Variants in VPS13C observed in about 807,000 individuals in gnomAD.
VPS13C encodes the protein vacuolar protein sorting 13 homolog C.
Under a neutral mutation model 456.8 loss-of-function variants are expected in VPS13C, and 358 were observed. The ratio of observed to expected loss-of-function variants is 0.78; its 90% CI spans 0.72 to 0.86. The LOEUF (loss-of-function observed/expected upper bound fraction) is 0.86, where lower values mean the gene tolerates loss of function less well. VPS13C is among the 40% of genes least tolerant of loss of function. The pLI is 0.00. For missense variants in VPS13C, 4,818 were observed against 4,385.4 expected (o/e 1.10, Z -2.79); for synonymous variants, 1,578 against 1,486.7 (o/e 1.06, Z -1.41).
At chr15:61,856,531 T>TAA in intron 82 of VPS13C, 122 bp from the exon 83 acceptor site, 62 of 908,904 alleles carry the variant, frequency 6.8e-5, no homozygotes, top group East Asian at 2.0e-4. Flanking sequence ...AAACTGGCAC[T>TAA]AAAAAAAAAA....
At chr15:61,911,691 TATAGTA>T in intron 63 of VPS13C, 143 bp downstream of exon 63, 2 of 811,376 alleles carry the variant, frequency 2.5e-6, no homozygotes, top group Non-Finnish European at 3.5e-6. Flanking sequence ...TTTTTAAAAA[TATAGTA>T]AGAGAAAAAT....
rs1352577987 is a variant in VPS13C, at chr15:61,858,371, T to A, written c.10953-1962A>T. Among the ~76,000 whole-genome samples the A allele has an allele frequency of 6.6e-6, 1 of 151,780 alleles. No homozygotes were observed. Among genetic ancestry groups the A allele is most frequent in the Non-Finnish European group, 1.5e-5 (1 of 67,988 alleles). On this transcript the variant is annotated intron_variant, in intron 82 of 84. Transcript: ENST00000644861. This position sits in a 1 kb window ranked among gnomAD's most constrained non-coding sequence, Gnocchi z 4.4. ...CTATCTATCTATCTATCTGTCTATCTATCTCCCTCCCTCCCTATCATGTAT... is the reference window on the plus strand; with the variant it reads ...CTATCTATCTATCTATCTGTCTATCAATCTCCCTCCCTCCCTATCATGTAT...
At chr15:62,009,089 T>C (rs1007977973) in intron 13 of VPS13C, among the ~76,000 whole-genome samples, 1 of 152,182 alleles carries the variant, frequency 6.6e-6, no homozygotes, top group Non-Finnish European at 1.5e-5. Flanking sequence ...TAAATGAACA[T>C]CTTAGAAACA....
At chr15:62,027,591 T>C (rs2047679526) in intron 6 of VPS13C, among the ~76,000 whole-genome samples, 1 of 152,126 alleles carries the variant, frequency 6.6e-6, no homozygotes, top group East Asian at 1.9e-4. Flanking sequence ...TGATGCTTAT[T>C]GTTTACAAAT....
intron 37 of VPS13C, among the ~76,000 whole-genome samples, chr15:61,957,585 G>A (rs1316935083): frequency 6.6e-6 from 1 of 152,068 alleles, no homozygotes. Context: ...AACCTGGTGG[G>A]AGTGCAGGGT....
rs768909281 is a variant in VPS13C, at chr15:61,966,156, T to C, written c.2992-14A>G. 1 of 1,591,214 alleles carries C rather than the reference T, an allele frequency of 6.3e-7. No homozygotes were observed. Among genetic ancestry groups the C allele is most frequent in the Non-Finnish European group, 8.6e-7 (1 of 1,166,590 alleles). ...ATTCTTATCAGCCTGAAAAAAGAAG[T>C]AAAAGTTCTAAAGAAGGTACTAGGA... On this transcript the variant is annotated splice_polypyrimidine_tract_variant and intron_variant, in intron 29 of 84. Coordinates refer to ENST00000644861, the MANE Select transcript of VPS13C (RefSeq NM_020821.3).
At chr15:61,930,167 T>C (rs1413150674) in intron 50 of VPS13C, among the ~76,000 whole-genome samples, 1 of 152,210 alleles carries the variant, frequency 6.6e-6, no homozygotes, top group Non-Finnish European at 1.5e-5. Flanking sequence ...AAGGAATTTA[T>C]CTTCAAAGAT....
Position 61,978,636 on chromosome 15 carries a change from A to C in VPS13C, c.2280T>G (p.Phe760Leu), listed in dbSNP as rs1255189558. The change falls in exon 23 of 85, where the codon TTT becomes TTG. Residue 760 changes from phenylalanine (F) to leucine (L), a missense_variant. Phe to Leu is a conservative substitution (Grantham distance 22). Coordinates refer to ENST00000644861, the MANE Select transcript of VPS13C (RefSeq NM_020821.3). ...TGAATAACGGTTTACCTGCTCTTGCAAAAAGTAGTTGTACATTTTTTATTT... is the reference window on the plus strand; with the variant it reads ...TGAATAACGGTTTACCTGCTCTTGCCAAAAGTAGTTGTACATTTTTTATTT... Reference protein sequence around the residue: ...DVEIKNVQLLFARAEETWKKC... With the variant: ...DVEIKNVQLLLARAEETWKKC... 6.2e-7 allele frequency: 1 copy of C among 1,610,114 alleles called. No individual in the cohort carries two copies. Among genetic ancestry groups the C allele is most frequent in the Non-Finnish European group, 8.5e-7 (1 of 1,178,862 alleles).
intron 16 of VPS13C, among the ~76,000 whole-genome samples, chr15:61,993,933 A>T (rs1350781112): frequency 6.6e-6 from 1 of 152,150 alleles, no homozygotes; most frequent in African/African-American, 2.4e-5. Context: ...TTTGCTACTT[A>T]TTGTAAACCT....
At chr15:62,004,338 T>C (rs181017935) in intron 15 of VPS13C, among the ~76,000 whole-genome samples, 24 of 152,112 alleles carry the variant, frequency 1.6e-4, no homozygotes, top group African/African-American at 5.6e-4. Flanking sequence ...CTGATGGTAG[T>C]TTGTATTTCT....
chr15:61,967,350 T>A lies in VPS13C; in HGVS notation c.2991+18A>T. ...TTTGGAGTAAACAATAAATATATAA[T>A]CATTCTATAGCCCTTACCTTAATAT... On this transcript the variant is annotated intron_variant, in intron 29 of 84. Coordinates refer to ENST00000644861, the MANE Select transcript of VPS13C (RefSeq NM_020821.3). The A allele has an allele frequency of 3.2e-6, 5 of 1,582,696 alleles. No homozygotes were observed. Among genetic ancestry groups the A allele is most frequent in the Non-Finnish European group, 4.3e-6 (5 of 1,159,058 alleles).
At chr15:62,003,193 A>G (rs991015460) in intron 15 of VPS13C, among the ~76,000 whole-genome samples, 1 of 151,448 alleles carries the variant, frequency 6.6e-6, no homozygotes, top group Admixed American at 6.6e-5. Context: ...CTTTTATTTC[A>G]TTGAGCAGTG....
At chr15:62,012,782 G>C (rs1238217673) in intron 11 of VPS13C, among the ~76,000 whole-genome samples, 2 of 151,784 alleles carry the variant, frequency 1.3e-5, no homozygotes, top group East Asian at 1.9e-4. Flanking sequence ...ATGTAAAAAA[G>C]CATAAATACA....
chr15:62,037,060 A>G (rs987779761), intron 3 of VPS13C, among the ~76,000 whole-genome samples: 1 of 147,898 alleles, frequency 6.8e-6, no homozygotes, highest in East Asian at 2.0e-4. Flanking sequence ...GTCTCTCATA[A>G]CTCAATGGGT....
At chr15:61,972,460 G>C (rs1954533223) in intron 27 of VPS13C, among the ~76,000 whole-genome samples, 165 bp downstream of exon 27, 1 of 152,050 alleles carries the variant, frequency 6.6e-6, no homozygotes, top group Non-Finnish European at 1.5e-5. Context: ...GTGTGTGTGA[G>C]AGAGAAAGAG....
chr15:62,018,052 T>G (rs1241848953), intron 9 of VPS13C, among the ~76,000 whole-genome samples: 18 of 152,274 alleles, frequency 1.2e-4, no homozygotes, highest in South Asian at 8.3e-4. Context: ...GAATCAATTG[T>G]GAATGGGAGT....
intron 16 of VPS13C, among the ~76,000 whole-genome samples, chr15:61,996,990 C>CATATATATATATATATAT (rs1416476981): frequency 1.0e-3 from 142 of 139,922 alleles, no homozygotes; most frequent in East Asian, 4.8e-3. Context: ...ATATATTTTA[C>CATATATATATATATATAT]ATACATACAT....
In VPS13C at chr15:61,927,258, C is replaced by T; in HGVS notation, c.6349G>A (p.Val2117Ile). The T allele has an allele frequency of 6.2e-7, 1 of 1,614,182 alleles. No individual in the cohort carries two copies. ...AMITDPEVVF[V>I]ASLTKADAPA... ...GCATCAGCCTTTGTCAGGCTGGCAA[C>T]AAATACCACTTCTGGATCTGTGATC... Residue 2117 changes from valine to isoleucine, a missense_variant, in exon 52 of 85, where the codon GTT becomes ATT. Physicochemically the swap from Val to Ile is conservative, Grantham distance 29. This residue lies in a region of VPS13C where 4,552 missense variants were observed against 4,130.6 expected (regional missense o/e 1.10). Coordinates refer to ENST00000644861, the MANE Select transcript of VPS13C (RefSeq NM_020821.3).
intron 84 of VPS13C, 120 bp from the exon 85 acceptor site, chr15:61,854,678 G>C: frequency 8.8e-7 from 1 of 1,136,170 alleles, no homozygotes. Context: ...TAAGGACCAA[G>C]GATACAGTCC....
Sources: allele counts gnomAD v4.1 joint callset (sites outside exome capture counted in the v4.1 genomes callset), GRCh38; gene constraint gnomAD v4.1.1; regional missense constraint gnomAD v4.1.1; non-coding constraint Gnocchi (gnomAD v3.1); transcripts MANE v1.5; gene names NCBI Gene and HGNC (gene_info 2026-07-23, HGNC 2026-07-21).